Variants in IL20RA observed in about 807,000 individuals in gnomAD.
IL20RA encodes the protein interleukin 20 receptor subunit alpha, also known as interleukin-20 receptor subunit alpha.
IL20RA carries 29 observed loss-of-function variants against 36.5 expected under a neutral mutation model. That is an observed-to-expected ratio of 0.79 (90% CI 0.59 to 1.08). IL20RA has a LOEUF of 1.08. IL20RA is among the 50% of genes least tolerant of loss of function. The pLI, the probability that IL20RA is intolerant of heterozygous loss-of-function variation, is 0.00. For synonymous variants in IL20RA, 279 were observed against 267.1 expected, an observed-to-expected ratio of 1.04 and a Z score of -0.43; for missense variants, 652 against 668.4, an observed-to-expected ratio of 0.98 and a Z score of 0.27.
chr6:137,001,270 A>G lies in IL20RA; in HGVS notation c.*288T>C, dbSNP rs1300273188. On this transcript the variant is annotated 3_prime_UTR_variant, in exon 7 of 7. Coordinates refer to ENST00000316649, the MANE Select transcript of IL20RA (RefSeq NM_014432.4). The stretch of plus-strand genomic sequence containing the variant: ...TGAACCAAGAGGCCAGAGTACACCC[A>G]CCTGAATAAATTCTGCACCCAGTCT... The G allele has an allele frequency of 2.1e-5, 6 of 281,238 alleles. No homozygotes were observed. Among genetic ancestry groups the G allele is most frequent in the Non-Finnish European group, 4.0e-5 (6 of 151,070 alleles). 17.4% of individuals were successfully genotyped at this position (281,238 alleles called of 1,614,324 possible).
At chr6:137,011,177 G>A in intron 3 of IL20RA, 97 bp downstream of exon 3, 1 of 998,668 alleles carries the variant, frequency 1.0e-6, no homozygotes, top group Non-Finnish European at 1.5e-6. Flanking sequence ...GCCAAGCAGA[G>A]TACCTTCCTC....
At position 137,035,999 on chromosome 6, in the gene IL20RA, G is replaced by C. The variant is rs74470093; in HGVS notation, c.88+8642C>G. 3.1e-3 allele frequency among the ~76,000 whole-genome samples: 467 copies of C among 152,308 alleles called. 5 individuals carry two copies. Among genetic ancestry groups the C allele is most frequent in the African/African-American group, 0.011 (438 of 41,568 alleles). ...CCTAGAGCAGCCAAGACGGGAGGCA[G>C]AGGTCTCAGAAGAGTGAGCTCCTCT... is the stretch of plus-strand genomic sequence containing the variant. On this transcript the variant is annotated intron_variant, in intron 1 of 6. Transcript: ENST00000316649.
Position 137,004,699 on chromosome 6 carries a change from G to A in IL20RA, c.786C>T (p.Thr262=), listed in dbSNP as rs747621640. ...IFWYVLPVSI[T]VFLFSVMGYS... is the part of the protein sequence containing the mutation. Reference sequence around the variant, plus strand: ...AGCCCATCACAGAAAAAAGAAACACGGTAATAGATACGGGCAAAACATACC... The same window carrying A: ...AGCCCATCACAGAAAAAAGAAACACAGTAATAGATACGGGCAAAACATACC... Residue 262 remains threonine, a synonymous_variant, in exon 6 of 7, where the codon ACC becomes ACT. Transcript: ENST00000316649. 4.3e-6 allele frequency: 7 copies of A among 1,610,860 alleles called. No homozygotes were observed. The highest frequency in any genetic ancestry group is 2.7e-5 in the African/African-American group (2 of 74,552).
At chr6:137,040,223 G>C (rs183790943) in intron 1 of IL20RA, among the ~76,000 whole-genome samples, 1 of 152,160 alleles carries the variant, frequency 6.6e-6, no homozygotes, top group African/African-American at 2.4e-5. Flanking sequence ...TGATTGTTAG[G>C]TTGAAATTAG....
rs374677072 is a variant in IL20RA at position 137,004,586 on chromosome 6, T to C, written c.864+35A>G. ...CTTCTGTCCTCCTGGAGGTGTACTA[T>C]TATAATAAAGAACCCTGCCACACCA... On this transcript the variant is annotated intron_variant, in intron 6 of 6. Coordinates refer to ENST00000316649, the MANE Select transcript of IL20RA (RefSeq NM_014432.4). 6 of 1,601,414 alleles carry C rather than the reference T, an allele frequency of 3.7e-6. No homozygotes were observed. In the South Asian group the frequency reaches 6.7e-5, roughly 18 times the overall value.
At chr6:137,021,409 A>G (rs183661321) in intron 1 of IL20RA, among the ~76,000 whole-genome samples, 47 of 151,892 alleles carry the variant, frequency 3.1e-4, no homozygotes, top group Non-Finnish European at 5.7e-4. Flanking sequence ...TCACACCTGT[A>G]ACCCCAGCAC....
In IL20RA at chr6:137,018,020, G is replaced by A. The variant is rs75157352; in HGVS notation, c.89-917C>T. Reference sequence around the variant, plus strand: ...AAATATTGGAAAGATCACAAAGCACGGAGTGATAACCAATCAGGTTTTATG... The same window carrying A: ...AAATATTGGAAAGATCACAAAGCACAGAGTGATAACCAATCAGGTTTTATG... On this transcript the variant is annotated intron_variant, in intron 1 of 6. Transcript: ENST00000316649. 4.5e-4 allele frequency among the ~76,000 whole-genome samples: 68 copies of A among 152,264 alleles called. 1 individual carries two copies. In the East Asian group the frequency reaches 0.011, roughly 25 times the overall value.
intron 2 of IL20RA, among the ~76,000 whole-genome samples, chr6:137,014,558 C>A (rs1170026653): frequency 6.6e-6 from 1 of 152,082 alleles, no homozygotes; most frequent in Non-Finnish European, 1.5e-5. Flanking sequence ...CACCACAAGA[C>A]ATATTTGTTC....
intron 5 of IL20RA, among the ~76,000 whole-genome samples, chr6:137,006,891 G>A (rs1264417211): frequency 6.6e-6 from 1 of 151,868 alleles, no homozygotes; most frequent in East Asian, 1.9e-4. Context: ...GCCTGGCTAA[G>A]TTTCGTATTT....
intron 1 of IL20RA, 36 bp downstream of exon 1, chr6:137,044,605 A>C (rs1406415664): frequency 1.6e-6 from 2 of 1,218,416 alleles, no homozygotes; most frequent in African/African-American, 3.1e-5. Flanking sequence ...GCCTGGAGGC[A>C]TCCCCGACCC....
chr6:137,007,010 C>T (rs577255140), intron 5 of IL20RA, among the ~76,000 whole-genome samples: 14 of 152,170 alleles, frequency 9.2e-5, no homozygotes, highest in Non-Finnish European at 1.9e-4. Context: ...AGGCGTGATC[C>T]ATTGCACTTG....
chr6:137,011,174 A>G, intron 3 of IL20RA, 100 bp downstream of exon 3: 1 of 953,612 alleles, frequency 1.0e-6, no homozygotes, highest in Non-Finnish European at 1.6e-6. Context: ...ACAGCCAAGC[A>G]GAGTACCTTC....
intron 1 of IL20RA, among the ~76,000 whole-genome samples, chr6:137,023,545 G>A (rs775525564): frequency 2.0e-5 from 3 of 152,204 alleles, no homozygotes; most frequent in Non-Finnish European, 2.9e-5. Context: ...TAGACCAAGA[G>A]GAGAAGGGAG....
At chr6:137,011,165 C>T (rs1003585995) in intron 3 of IL20RA, 109 bp downstream of exon 3, 4 of 859,952 alleles carry the variant, frequency 4.7e-6, no homozygotes, top group East Asian at 2.5e-5. Flanking sequence ...GTCCAGAATA[C>T]AGCCAAGCAG....
At position 137,044,651 on chromosome 6, in the gene IL20RA, C is replaced by G. The variant is rs1440998999; in HGVS notation, c.78G>C (p.Trp26Cys). 7.4e-6 allele frequency: 9 copies of G among 1,223,834 alleles called. No homozygotes were observed. In the African/African-American group the frequency reaches 1.4e-4, roughly 19 times the overall value. 75.8% of individuals were successfully genotyped at this position (1,223,834 alleles called of 1,614,324 possible). ...GCGCGACCCACCTACCTGCCCGTCC[C>G]CAAGGCGCCGCCAGGAGCAACAGCA... ...PLLLLLLAAP[W>C]GRAVPCVSGG... The change falls in exon 1 of 7, where the codon TGG becomes TGC. Residue 26 changes from tryptophan (W) to cysteine (C), a missense_variant. Physicochemically the swap from Trp to Cys is radical, Grantham distance 215. Coordinates refer to ENST00000316649, the MANE Select transcript of IL20RA (RefSeq NM_014432.4).
intron 1 of IL20RA, among the ~76,000 whole-genome samples, chr6:137,036,608 T>C (rs1237012209): frequency 1.3e-5 from 2 of 152,062 alleles, no homozygotes; most frequent in Non-Finnish European, 2.9e-5. Flanking sequence ...AAGGGGTGCC[T>C]AAGATTGCCA....
At chr6:137,029,236 G>A (rs1776191636) in intron 1 of IL20RA, among the ~76,000 whole-genome samples, 1 of 152,204 alleles carries the variant, frequency 6.6e-6, no homozygotes, top group African/African-American at 2.4e-5. Context: ...GGCCAGGCAT[G>A]GTGGCTTGCA....
At chr6:137,025,358 C>T (rs1181845802) in intron 1 of IL20RA, among the ~76,000 whole-genome samples, 1 of 152,176 alleles carries the variant, frequency 6.6e-6, no homozygotes, top group South Asian at 2.1e-4. Flanking sequence ...AGAAGATGAC[C>T]ATCTATGAAC....
At chr6:137,017,824 A>ATT (rs1775758805) in intron 1 of IL20RA, among the ~76,000 whole-genome samples, 1 of 152,204 alleles carries the variant, frequency 6.6e-6, no homozygotes, top group Non-Finnish European at 1.5e-5. Flanking sequence ...ATCCTAGAGG[A>ATT]TTAATTTACA....
Sources: gnomAD v4.1 joint callset for allele counts (sites outside exome capture counted in the v4.1 genomes callset) on GRCh38, gnomAD v4.1.1 for gene constraint, MANE v1.5 for transcripts, NCBI Gene and HGNC (gene_info 2026-07-23, HGNC 2026-07-21) for gene names.